Variants in WNK2 observed in about 807,000 individuals in gnomAD.
WNK2 encodes the protein WNK lysine deficient protein kinase 2, also known as serine/threonine-protein kinase WNK2.
In WNK2, 67 loss-of-function variants were observed where a neutral mutation model predicts 192.1. That is an observed-to-expected ratio of 0.35 (90% confidence interval 0.29 to 0.43). The LOEUF is 0.43. Ranked by LOEUF, WNK2 falls within the 20% of genes least tolerant of loss-of-function variation. The pLI, the probability that WNK2 is intolerant of heterozygous loss-of-function variation, is 1.00. For synonymous variants in WNK2, 1,439 were observed against 1,393.9 expected, an observed-to-expected ratio of 1.03 and a Z score of -0.72; for missense variants, 2,698 against 3,089.7, an observed-to-expected ratio of 0.87 and a Z score of 3.01.
At chr9:93,282,430 T>G (rs566577605) in intron 19 of WNK2, among the ~76,000 whole-genome samples, 1 of 147,432 alleles carries the variant, frequency 6.8e-6, no homozygotes, top group South Asian at 2.1e-4. Context: ...TAATTAAATG[T>G]AAATGGACTA....
chr9:93,259,171 A>G lies in WNK2; in HGVS notation c.2623A>G (p.Thr875Ala). Reference sequence around the variant, plus strand: ...GGCGCCCCTGGCCATGCCCTGCCGGACCATTGTGCCAAATGCACCGGCCAC... The same window carrying G: ...GGCGCCCCTGGCCATGCCCTGCCGGGCCATTGTGCCAAATGCACCGGCCAC... ...PGAPLAMPCR[T>A]IVPNAPATIP... is the part of the protein sequence containing the mutation. Residue 875 changes from threonine (T) to alanine (A), a missense_variant, in exon 12 of 30, where the codon ACC becomes GCC. Thr to Ala is a moderately conservative substitution (Grantham distance 58). Transcript: ENST00000427277. This position sits in a 1 kb window ranked among gnomAD's most constrained non-coding sequence, Gnocchi z 4.8. 6.2e-7 allele frequency: 1 copy of G among 1,610,774 alleles called. No individual in the cohort carries two copies. Among genetic ancestry groups the G allele is most frequent in the South Asian group, 1.1e-5 (1 of 90,972 alleles).
intron 2 of WNK2, among the ~76,000 whole-genome samples, chr9:93,193,011 C>T (rs559969850): frequency 2.0e-5 from 3 of 152,294 alleles, no homozygotes; most frequent in South Asian, 2.1e-4. Flanking sequence ...TAGGTCACCT[C>T]GTTGATGGAG....
chr9:93,296,887 G>T lies in WNK2; in HGVS notation c.5709-966G>T, dbSNP rs532130961. Among the ~76,000 whole-genome samples, 8 of 22,258 alleles carry T rather than the reference G, an allele frequency of 3.6e-4. No individual in the cohort carries two copies. The East Asian group carries it at 9.1e-3, about 25-fold the overall frequency. The allele number at this position is 22,258 out of a possible 152,430, so 14.6% of individuals were successfully genotyped here. ...TCCTCCCCTCCGCACCCTCCCCTCC[G>T]CATCCTCCCTTCAGCCTACTCCCCT... On this transcript the variant is annotated intron_variant, in intron 23 of 29. Coordinates refer to ENST00000427277, the MANE Select transcript of WNK2 (RefSeq NM_006648.4).
intron 26 of WNK2, among the ~76,000 whole-genome samples, chr9:93,305,236 C>T (rs1408972674): frequency 6.6e-6 from 1 of 152,216 alleles, no homozygotes; most frequent in African/African-American, 2.4e-5. Context: ...TGGGCCACAG[C>T]CCCCGACAAA....
chr9:93,273,232 A>G (rs945107180), intron 19 of WNK2, among the ~76,000 whole-genome samples: 1 of 152,244 alleles, frequency 6.6e-6, no homozygotes, highest in African/African-American at 2.4e-5. Flanking sequence ...ATCTTGGCTC[A>G]TTGCAACCTC....
In WNK2 at chr9:93,259,483, GTGCTGCCCCCGCAACCCA is replaced by G. The variant is rs747122953; in HGVS notation, c.2946_2963del (p.Met985_Pro990del). The G allele has an allele frequency of 6.9e-6, 10 of 1,444,428 alleles. No individual in the cohort carries two copies. Among genetic ancestry groups the G allele is most frequent in the East Asian group, 2.5e-5 (1 of 40,066 alleles). The allele number at this position is 1,444,428 out of a possible 1,614,324, so 89.5% of individuals were successfully genotyped here. ...GCAACCCACACGGCCCCCTCAACCTGTGCTGCCCCCGCAACCCATGCTGCCCCCACAACCTGTGCTGCC... is the reference window on the plus strand; with the variant it reads ...GCAACCCACACGGCCCCCTCAACCTGTGCTGCCCCCACAACCTGTGCTGCC... On this transcript the variant is annotated inframe_deletion, in exon 12 of 30. Coordinates refer to ENST00000427277, the MANE Select transcript of WNK2 (RefSeq NM_006648.4). This position sits in a 1 kb window ranked among gnomAD's most constrained non-coding sequence, Gnocchi z 4.8.
At chr9:93,207,542 G>A (rs1833618982) in intron 2 of WNK2, among the ~76,000 whole-genome samples, 1 of 152,188 alleles carries the variant, frequency 6.6e-6, no homozygotes, top group South Asian at 2.1e-4. Flanking sequence ...GTTGGTTTGC[G>A]AGCTTTACAG....
intron 21 of WNK2, among the ~76,000 whole-genome samples, chr9:93,291,099 C>T (rs1849275667): frequency 6.6e-6 from 1 of 152,186 alleles, no homozygotes; most frequent in South Asian, 2.1e-4. Flanking sequence ...AAGCTGTGCA[C>T]GCAGAGAACT....
chr9:93,292,904 C>T lies in WNK2; in HGVS notation c.5439C>T (p.Gly1813=). 1 of 1,520,922 alleles carries T rather than the reference C, an allele frequency of 6.6e-7. No homozygotes were observed. The highest frequency in any genetic ancestry group is 8.8e-7 in the Non-Finnish European group (1 of 1,134,718). 94.2% of individuals were successfully genotyped at this position (1,520,922 alleles called of 1,614,324 possible). A position where few individuals can be genotyped will look rare whatever the true frequency, so the allele number is the denominator to read the frequency against. ...TGTCCAGCGACTCTGGGGACGAGGG[C>T]CCTCGGGCGAGACCCCCGGTGCAGA... is the stretch of plus-strand genomic sequence containing the variant. ...EPVSSDSGDE[G]PRARPPVQKQ... The change falls in exon 23 of 30, where the codon GGC becomes GGT. Residue 1813 remains glycine, a synonymous_variant. Transcript: ENST00000427277.
chr9:93,245,418 CG>C (rs1340621104), intron 7 of WNK2, among the ~76,000 whole-genome samples: 21 of 152,218 alleles, frequency 1.4e-4, no homozygotes, highest in Admixed American at 7.2e-4. Context: ...TCCCTCGGGA[CG>C]GGCTCAGGTG....
At chr9:93,293,637 A>G (rs1253690508) in intron 23 of WNK2, among the ~76,000 whole-genome samples, 1 of 152,044 alleles carries the variant, frequency 6.6e-6, no homozygotes, top group African/African-American at 2.4e-5. Flanking sequence ...GGTTTTGAGT[A>G]GACAGTCTCC....
chr9:93,192,949 G>A (rs1393452995), intron 2 of WNK2, among the ~76,000 whole-genome samples: 1 of 152,186 alleles, frequency 6.6e-6, no homozygotes, highest in African/African-American at 2.4e-5. Context: ...TGTGGCTTGG[G>A]TCTGGCTTCA....
rs554235688 is a variant in WNK2 at position 93,282,417 on chromosome 9, C to A, written c.4034-6371C>A. 4.1e-5 allele frequency among the ~76,000 whole-genome samples: 6 copies of A among 145,810 alleles called. No individual in the cohort carries two copies. In the South Asian group the frequency reaches 1.3e-3, roughly 32 times the overall value. On this transcript the variant is annotated intron_variant, in intron 19 of 29. Transcript: ENST00000427277. ...GATGCTAGTTTTAACCCAAGTAGAT[C>A]AGTAATTAAATGTAAATGGACTAAA...
At chr9:93,312,491 C>T (rs184140331) in intron 28 of WNK2, among the ~76,000 whole-genome samples, 1 of 152,268 alleles carries the variant, frequency 6.6e-6, no homozygotes, top group East Asian at 1.9e-4. Context: ...TCTCCTGCCT[C>T]AGCCTCCCAA....
intron 27 of WNK2, 186 bp downstream of exon 27, chr9:93,307,007 C>T (rs1852701269): frequency 8.7e-6 from 6 of 688,448 alleles, no homozygotes; most frequent in Admixed American, 7.9e-5. Context: ...TCCTCGGCTC[C>T]CCCGTGTGTC....
intron 1 of WNK2, among the ~76,000 whole-genome samples, 25 bp downstream of exon 1, chr9:93,184,410 G>C (rs945837496): frequency 2.0e-5 from 3 of 151,342 alleles, no homozygotes; most frequent in Non-Finnish European, 4.4e-5. Context: ...TCCCCTCAAC[G>C]CCGCTCGCCG....
At chr9:93,231,808 G>T (rs564733991) in intron 4 of WNK2, among the ~76,000 whole-genome samples, 2 of 152,374 alleles carry the variant, frequency 1.3e-5, no homozygotes, top group Admixed American at 1.3e-4. Flanking sequence ...GGGGCAGCTG[G>T]CCCGGAGCTT....
intron 19 of WNK2, among the ~76,000 whole-genome samples, chr9:93,287,185 CAAT>C (rs1848573693): frequency 1.3e-5 from 2 of 152,118 alleles, no homozygotes; most frequent in African/African-American, 4.8e-5. Flanking sequence ...AATTAAAAAA[CAAT>C]AAAGAGCCAC....
rs1554710500 is a variant in WNK2, at chr9:93,249,933, T to TTTTA, written c.1834+2099_1834+2100insTTTA. Among the ~76,000 whole-genome samples the TTTTA allele has an allele frequency of 6.2e-5, 9 of 144,940 alleles. 1 individual carries two copies. In the South Asian group the frequency reaches 1.1e-3, roughly 18 times the overall value. On this transcript the variant is annotated intron_variant, in intron 8 of 29. Transcript: ENST00000427277. ...TTTTTTTTTTTTTTTTTTTTTTTTTTAAAGACAGTCTCGCTCTGTCTCCAG... is the reference window on the plus strand; with the variant it reads ...TTTTTTTTTTTTTTTTTTTTTTTTTTTTTAAAAGACAGTCTCGCTCTGTCTCCAG...
Sources: gnomAD v4.1 joint callset for allele counts (sites outside exome capture counted in the v4.1 genomes callset) on GRCh38, gnomAD v4.1.1 for gene constraint, Gnocchi (gnomAD v3.1) non-coding constraint, MANE v1.5 for transcripts, NCBI Gene and HGNC (gene_info 2026-07-23, HGNC 2026-07-21) for gene names.